Variants in TRPM3 observed in about 807,000 individuals in gnomAD.
TRPM3 encodes long transient receptor potential channel 3.
TRPM3 carries 77 observed loss-of-function variants against 181.2 expected under a neutral mutation model. That is an observed-to-expected ratio of 0.42 (90% CI 0.35 to 0.51). TRPM3 has a LOEUF of 0.51. Ranked by LOEUF, TRPM3 falls within the 20% of genes least tolerant of loss-of-function variation. TRPM3 has a pLI of 0.01. For missense variants in TRPM3, 1,759 were observed against 2,196.7 expected, an observed-to-expected ratio of 0.80 and a Z score of 3.98; for synonymous variants, 745 against 796.4, an observed-to-expected ratio of 0.94 and a Z score of 1.09.
At chr9:71,161,009 G>T (rs2076249776) in intron 1 of TRPM3, among the ~76,000 whole-genome samples, 1 of 152,116 alleles carries the variant, frequency 6.6e-6, no homozygotes, top group Non-Finnish European at 1.5e-5. Flanking sequence ...CCTCCTTGCT[G>T]TCGTTTCACT....
intron 8 of TRPM3, among the ~76,000 whole-genome samples, chr9:70,750,875 T>A (rs974634587): frequency 6.6e-6 from 1 of 151,984 alleles, no homozygotes; most frequent in African/African-American, 2.4e-5. Flanking sequence ...GCTGTAAGTA[T>A]GGTTGGAGAG....
At chr9:70,698,721 G>A (rs2071427086) in intron 8 of TRPM3, among the ~76,000 whole-genome samples, 1 of 152,070 alleles carries the variant, frequency 6.6e-6, no homozygotes, top group South Asian at 2.1e-4. Flanking sequence ...TCTCATGAAT[G>A]GTTTAGCACC....
At chr9:71,084,227 A>G (rs929877238) in intron 1 of TRPM3, among the ~76,000 whole-genome samples, 1 of 152,008 alleles carries the variant, frequency 6.6e-6, no homozygotes, top group Non-Finnish European at 1.5e-5. Context: ...GGTCCAGTAT[A>G]TACTAATTTT....
intron 1 of TRPM3, among the ~76,000 whole-genome samples, chr9:71,398,076 T>A (rs2131361576): frequency 6.6e-6 from 1 of 152,352 alleles, no homozygotes; most frequent in African/African-American, 2.4e-5. Context: ...ACATCAGTGC[T>A]AGTAAGCTAA....
intron 1 of TRPM3, among the ~76,000 whole-genome samples, chr9:71,212,019 G>A (rs967290420): frequency 6.6e-6 from 1 of 152,188 alleles, no homozygotes; most frequent in African/African-American, 2.4e-5. Context: ...TGTTGGGGTA[G>A]GGTGGAGAGC....
At chr9:70,573,907 C>G (rs2053138385) in intron 22 of TRPM3, among the ~76,000 whole-genome samples, 1 of 151,568 alleles carries the variant, frequency 6.6e-6, no homozygotes, top group African/African-American at 2.4e-5. Flanking sequence ...TTGTTGAGCC[C>G]TCAAAAAGGG....
At chr9:70,770,297 G>A (rs1170925851) in intron 7 of TRPM3, among the ~76,000 whole-genome samples, 1 of 152,186 alleles carries the variant, frequency 6.6e-6, no homozygotes, top group Non-Finnish European at 1.5e-5. Flanking sequence ...TGTAGCTCTT[G>A]TCAGGAACAG....
chr9:70,673,340 A>G (rs1011308), intron 9 of TRPM3, among the ~76,000 whole-genome samples: 43,449 of 151,918 alleles, frequency 0.29, 6,450 homozygotes, highest in South Asian at 0.33. Context: ...TGGACCACCA[A>G]GAAACAAGTG....
chr9:70,680,538 T>A (rs75538577), intron 9 of TRPM3, among the ~76,000 whole-genome samples: 2,206 of 152,266 alleles, frequency 0.014, 56 homozygotes, highest in African/African-American at 0.05. Context: ...AAGGATTGTG[T>A]GAGGTGTTAA....
At chr9:71,048,256 A>G (rs1304269382) in intron 1 of TRPM3, among the ~76,000 whole-genome samples, 2 of 152,162 alleles carry the variant, frequency 1.3e-5, no homozygotes, top group Non-Finnish European at 2.9e-5. Flanking sequence ...ACAAGTACTC[A>G]ATATATCTGT....
At chr9:71,149,651 G>GA (rs1262125824) in intron 1 of TRPM3, among the ~76,000 whole-genome samples, 1 of 152,044 alleles carries the variant, frequency 6.6e-6, no homozygotes, top group Non-Finnish European at 1.5e-5. Flanking sequence ...AAGTTTAAGA[G>GA]AAAATATACA....
chr9:71,355,207 C>T (rs1565492698), intron 1 of TRPM3, among the ~76,000 whole-genome samples: 1 of 152,132 alleles, frequency 6.6e-6, no homozygotes, highest in Non-Finnish European at 1.5e-5. Flanking sequence ...TGTCCAGGTC[C>T]TAACTCCTGG....
intron 8 of TRPM3, 168 bp downstream of exon 8, chr9:70,761,433 G>C: frequency 1.2e-6 from 1 of 832,262 alleles, no homozygotes; most frequent in Non-Finnish European, 2.0e-6. Flanking sequence ...AGTAAAAGCA[G>C]TGTCTTAGTT....
At chr9:71,304,762 CA>C (rs1344970386) in intron 1 of TRPM3, among the ~76,000 whole-genome samples, 1 of 152,110 alleles carries the variant, frequency 6.6e-6, no homozygotes, top group Non-Finnish European at 1.5e-5. Context: ...CTACAGGATA[CA>C]GTACAAGAGT....
intron 1 of TRPM3, among the ~76,000 whole-genome samples, chr9:70,979,664 C>CCCCT (rs2134006084): frequency 6.6e-6 from 1 of 152,218 alleles, no homozygotes; most frequent in Admixed American, 6.5e-5. Flanking sequence ...CTGCAGCCAC[C>CCCCT]CCCTACCCAC....
chr9:71,033,314 G>T (rs80124282), intron 1 of TRPM3, among the ~76,000 whole-genome samples: 3,371 of 152,296 alleles, frequency 0.022, 116 homozygotes, highest in African/African-American at 0.077. Context: ...ACACAAGCCA[G>T]CACAGTACTT....
intron 1 of TRPM3, among the ~76,000 whole-genome samples, chr9:71,195,426 G>A (rs7047214): frequency 0.28 from 42,082 of 151,830 alleles, 6,233 homozygotes; most frequent in East Asian, 0.36. Flanking sequence ...TCTCATACCA[G>A]TCAGAATGGC....
chr9:71,364,552 G>A (rs1016995359), intron 1 of TRPM3, among the ~76,000 whole-genome samples: 4 of 152,178 alleles, frequency 2.6e-5, no homozygotes, highest in Admixed American at 1.3e-4. Flanking sequence ...TATTCCAAAT[G>A]ACTATAAAGA....
At chr9:70,593,527 A>C (rs2058484293) in intron 21 of TRPM3, among the ~76,000 whole-genome samples, 1 of 152,158 alleles carries the variant, frequency 6.6e-6, no homozygotes. Flanking sequence ...AAATACAGAA[A>C]CTGTTCTAAT....
Sources: allele counts gnomAD v4.1 joint callset (sites outside exome capture counted in the v4.1 genomes callset), GRCh38; gene constraint gnomAD v4.1.1; transcripts MANE v1.5; gene names NCBI Gene and HGNC (gene_info 2026-07-23, HGNC 2026-07-21).